The following DNM3 variants were observed in gnomAD, a reference collection of about 807,000 sequenced individuals.
The protein encoded by DNM3 is dynamin 3, also known as dynamin-3.
In DNM3, 47 loss-of-function variants were observed where a neutral mutation model predicts 101.6. The observed-to-expected ratio is 0.46, with a 90% CI of 0.37 to 0.59. DNM3 has a LOEUF of 0.59. DNM3 is among the 20% of genes least tolerant of loss of function. DNM3 has a pLI of 0.00. For synonymous variants in DNM3, 385 were observed against 387.9 expected (o/e 0.99, Z 0.09); for missense variants, 849 against 1,085.7 (o/e 0.78, Z 3.06).
At chr1:172,317,989 T>A (rs1322584970) in intron 16 of DNM3, among the ~76,000 whole-genome samples, 1 of 152,142 alleles carries the variant, frequency 6.6e-6, no homozygotes, top group African/African-American at 2.4e-5. Flanking sequence ...AAATCCTCAA[T>A]AAAATACTGG....
intron 10 of DNM3, among the ~76,000 whole-genome samples, chr1:172,065,113 C>T (rs1325273041): frequency 6.6e-6 from 1 of 152,196 alleles, no homozygotes; most frequent in Non-Finnish European, 1.5e-5. Context: ...ATATTCTTGT[C>T]ATTTTGGCCT....
chr1:172,261,128 T>C (rs950641928), intron 15 of DNM3, among the ~76,000 whole-genome samples: 1 of 152,184 alleles, frequency 6.6e-6, no homozygotes, highest in African/African-American at 2.4e-5. Context: ...TTTCTTTTTA[T>C]TGGGATCTGT....
intron 11 of DNM3, 92 bp downstream of exon 11, chr1:172,068,997 C>A (rs750535337): frequency 4.7e-6 from 5 of 1,070,404 alleles, no homozygotes; most frequent in South Asian, 3.0e-5. Flanking sequence ...GTCAGCCTGT[C>A]GCTTAAAGGA....
At chr1:172,084,926 T>C (rs2053424266) in intron 12 of DNM3, among the ~76,000 whole-genome samples, 1 of 152,158 alleles carries the variant, frequency 6.6e-6, no homozygotes, top group Non-Finnish European at 1.5e-5. Context: ...ATTGCTAAAA[T>C]TGGATTAATA....
chr1:172,028,353 A>C (rs1248740809), intron 4 of DNM3, among the ~76,000 whole-genome samples: 2 of 152,188 alleles, frequency 1.3e-5, no homozygotes, highest in African/African-American at 4.8e-5. Context: ...GAAATAAATA[A>C]GTTCTTTGAA....
At chr1:172,008,024 G>A (rs561508906) in intron 4 of DNM3, among the ~76,000 whole-genome samples, 1 of 151,912 alleles carries the variant, frequency 6.6e-6, no homozygotes, top group Non-Finnish European at 1.5e-5. Context: ...CATCTATTCG[G>A]GTCTTTTGCC....
At chr1:172,290,597 G>A (rs1405427619) in intron 15 of DNM3, among the ~76,000 whole-genome samples, 2 of 152,128 alleles carry the variant, frequency 1.3e-5, no homozygotes, top group African/African-American at 4.8e-5. Flanking sequence ...AAACAGGGTG[G>A]TGATAAAATA....
chr1:172,342,709 AC>A (rs1401022573), intron 17 of DNM3, among the ~76,000 whole-genome samples: 1 of 152,120 alleles, frequency 6.6e-6, no homozygotes, highest in Non-Finnish European at 1.5e-5. Flanking sequence ...TTGCATGTGT[AC>A]CCCTGAACCT....
intron 4 of DNM3, among the ~76,000 whole-genome samples, chr1:171,997,917 G>A (rs2046107041): frequency 6.6e-6 from 1 of 152,138 alleles, no homozygotes; most frequent in Non-Finnish European, 1.5e-5. Context: ...TTTAGGGGAT[G>A]TGATTTGGCC....
intron 14 of DNM3, among the ~76,000 whole-genome samples, chr1:172,210,314 C>CTTTTTTT (rs11330467): frequency 4.5e-4 from 38 of 84,856 alleles, no homozygotes; most frequent in Admixed American, 1.0e-3. Context: ...AGAGAGCGTG[C>CTTTTTTT]TTTTTTTTTT....
At chr1:172,149,423 T>C (rs1391900252) in intron 14 of DNM3, among the ~76,000 whole-genome samples, 3 of 152,126 alleles carry the variant, frequency 2.0e-5, no homozygotes, top group South Asian at 4.1e-4. Flanking sequence ...ATGACTCCAA[T>C]AAAATTGGAA....
rs150444459 is a variant in DNM3 at position 172,142,153 on chromosome 1, G to A, written c.1659+10865G>A. 2.8e-4 allele frequency: 42 copies of A among 152,154 alleles called. No individual in the cohort carries two copies. The East Asian group carries it at 8.1e-3, about 29-fold the overall frequency. 9.4% of individuals were successfully genotyped at this position (152,154 alleles called of 1,614,324 possible). A position where few individuals can be genotyped will look rare whatever the true frequency, so the allele number is the denominator to read the frequency against. On this transcript the variant is annotated intron_variant, in intron 14 of 20. Coordinates refer to ENST00000627582, the MANE Select transcript of DNM3 (RefSeq NM_015569.5). ...ATACTTACACTTATTACATCCAGGGGTAGTTTTAGTTGAAGATGCTCACTG... is the reference window on the plus strand; with the variant it reads ...ATACTTACACTTATTACATCCAGGGATAGTTTTAGTTGAAGATGCTCACTG...
intron 14 of DNM3, chr1:172,133,441 A>G (rs2057047842): frequency 1.0e-6 from 1 of 985,458 alleles, no homozygotes; most frequent in Non-Finnish European, 1.2e-6. Context: ...TAACCAAGGT[A>G]TGGTATGGAG....
At chr1:172,230,583 A>G (rs1315395226) in intron 14 of DNM3, among the ~76,000 whole-genome samples, 4 of 152,210 alleles carry the variant, frequency 2.6e-5, no homozygotes, top group Non-Finnish European at 4.4e-5. Flanking sequence ...TAACAAAATT[A>G]GAATGTTCCT....
intron 13 of DNM3, among the ~76,000 whole-genome samples, chr1:172,101,583 C>T (rs1207220260): frequency 6.6e-6 from 1 of 152,164 alleles, no homozygotes; most frequent in Non-Finnish European, 1.5e-5. Context: ...CACACATTAG[C>T]TCATTAATTC....
chr1:171,913,799 T>A (rs948657019), intron 1 of DNM3, among the ~76,000 whole-genome samples: 1 of 151,228 alleles, frequency 6.6e-6, no homozygotes, highest in African/African-American at 2.4e-5. Flanking sequence ...GTGCACAGAT[T>A]TTTTTTTTAG....
At chr1:172,268,132 A>G (rs2062941294) in intron 15 of DNM3, among the ~76,000 whole-genome samples, 1 of 152,236 alleles carries the variant, frequency 6.6e-6, no homozygotes, top group Admixed American at 6.5e-5. Context: ...GGGCTCAGAC[A>G]GAGACTTGAG....
chr1:172,315,165 C>A (rs187726354), intron 16 of DNM3, among the ~76,000 whole-genome samples: 1 of 152,176 alleles, frequency 6.6e-6, no homozygotes, highest in Non-Finnish European at 1.5e-5. Flanking sequence ...GTCCAACAGA[C>A]CTGCAGCTGA....
In DNM3 at chr1:172,340,738, T is replaced by C. The variant is rs562556824; in HGVS notation, c.1893+17398T>C. Reference sequence around the variant, plus strand: ...ATAGACTATGGGGTTTTCAGAATTATGTCATCTGCAAACAGGGACAGTATG... The same window carrying C: ...ATAGACTATGGGGTTTTCAGAATTACGTCATCTGCAAACAGGGACAGTATG... On this transcript the variant is annotated intron_variant, in intron 17 of 20. Coordinates refer to ENST00000627582, the MANE Select transcript of DNM3 (RefSeq NM_015569.5). Among the ~76,000 whole-genome samples the C allele has an allele frequency of 4.4e-4, 67 of 152,358 alleles. 1 individual carries two copies. The highest frequency in any genetic ancestry group is 3.3e-3 in the East Asian group (17 of 5,190).
Sources: allele counts gnomAD v4.1 joint callset (sites outside exome capture counted in the v4.1 genomes callset), GRCh38; gene constraint gnomAD v4.1.1; transcripts MANE v1.5; gene names NCBI Gene and HGNC (gene_info 2026-07-23, HGNC 2026-07-21).